The following UBE2G1 variants were observed in gnomAD, a reference collection of about 807,000 sequenced individuals.
The protein encoded by UBE2G1 is ubiquitin-conjugating enzyme E2 G1.
In UBE2G1, 5 loss-of-function variants were observed where a neutral mutation model predicts 22.7. The ratio of observed to expected loss-of-function variants is 0.22; its 90% CI spans 0.12 to 0.46. UBE2G1 has a LOEUF of 0.46. Among genes scored for constraint, UBE2G1 ranks in the 20% least tolerant of loss-of-function variants. The pLI is 0.99. For synonymous variants in UBE2G1, 74 were observed against 67.5 expected (o/e 1.10, Z -0.47); for missense variants, 88 against 203.9 (o/e 0.43, Z 3.46).
chr17:4,292,409 A>G (rs1256590333), intron 3 of UBE2G1, among the ~76,000 whole-genome samples: 1 of 151,808 alleles, frequency 6.6e-6, no homozygotes, highest in Non-Finnish European at 1.5e-5. Flanking sequence ...CTTTTTCTTG[A>G]GGCCATGCAC....
Position 4,279,785 on chromosome 17 carries a change from TTATATATATATATATATATATATATATA to T in UBE2G1, c.*37+2985_*37+3012del, listed in dbSNP as rs71144177. 1.0e-3 allele frequency among the ~76,000 whole-genome samples: 71 copies of T among 68,882 alleles called. 2 individuals are homozygous for T. Among genetic ancestry groups the T allele is most frequent in the African/African-American group, 2.8e-3 (65 of 23,134 alleles). The allele number at this position is 68,882 out of a possible 152,430, so 45.2% of individuals were successfully genotyped here. On this transcript the variant is annotated intron_variant, in intron 5 of 5. Transcript: ENST00000396981. ...GCGAAACTCTGCCCCCAAAAAAAAG[TTATATATATATATATATATATATATATA>T]TATATATATATATATATATGAACCT...
chr17:4,353,388 T>C (rs1969867923), intron 1 of UBE2G1, among the ~76,000 whole-genome samples: 1 of 151,846 alleles, frequency 6.6e-6, no homozygotes, highest in Non-Finnish European at 1.5e-5. Flanking sequence ...TATATTGTAT[T>C]ACCAACTAAT....
intron 1 of UBE2G1, among the ~76,000 whole-genome samples, chr17:4,308,514 G>A (rs1567520064): frequency 6.6e-6 from 1 of 152,068 alleles, no homozygotes; most frequent in Admixed American, 6.6e-5. Flanking sequence ...AACAGAGCAA[G>A]ACTCCATCTC....
At chr17:4,287,844 G>C (rs1051342487) in intron 4 of UBE2G1, among the ~76,000 whole-genome samples, 1 of 152,022 alleles carries the variant, frequency 6.6e-6, no homozygotes, top group South Asian at 2.1e-4. Flanking sequence ...AAATAAAACA[G>C]AGGTTCCTAG....
chr17:4,306,025 T>C (rs1250344198), intron 2 of UBE2G1, among the ~76,000 whole-genome samples: 2 of 152,206 alleles, frequency 1.3e-5, no homozygotes, highest in Non-Finnish European at 2.9e-5. Flanking sequence ...CCTTAAGCCA[T>C]TGGTTTAACA....
Position 4,338,019 on chromosome 17 carries a change from A to C in UBE2G1, c.46+28252T>G, listed in dbSNP as rs138108969. Among the ~76,000 whole-genome samples, 452 of 151,790 alleles carry C rather than the reference A, an allele frequency of 3.0e-3. 1 individual carries two copies. The highest frequency in any genetic ancestry group is 0.01 in the African/African-American group (424 of 41,414). On this transcript the variant is annotated intron_variant, in intron 1 of 5. Coordinates refer to ENST00000396981, the MANE Select transcript of UBE2G1 (RefSeq NM_003342.5). ...ACCCATCTCTACTAAAAATACAAAA[A>C]ATTAGCCAGGCATGCTGGCACGTGC... is the stretch of plus-strand genomic sequence containing the variant.
rs1968743316 is a variant in UBE2G1, at chr17:4,270,532, A to G, written c.*2022T>C. 1 of 146,778 alleles carries G rather than the reference A, an allele frequency of 6.8e-6. No individual in the cohort carries two copies. Among genetic ancestry groups the G allele is most frequent in the African/African-American group, 2.5e-5 (1 of 39,570 alleles). 9.1% of individuals were successfully genotyped at this position (146,778 alleles called of 1,614,324 possible). On this transcript the variant is annotated 3_prime_UTR_variant, in exon 6 of 6. Transcript: ENST00000396981. ...GCCACTGCACTCCAGCCTGGGTGAC[A>G]GAGAGACCCAGTTTCTTAAAAAAAA...
chr17:4,338,244 T>C (rs1004530528), intron 1 of UBE2G1, among the ~76,000 whole-genome samples: 1 of 150,054 alleles, frequency 6.7e-6, no homozygotes, highest in Non-Finnish European at 1.5e-5. Context: ...AACTATTAGC[T>C]GGACTAAAAA....
At chr17:4,289,680 T>C (rs150467019) in intron 3 of UBE2G1, among the ~76,000 whole-genome samples, 1 of 152,212 alleles carries the variant, frequency 6.6e-6, no homozygotes, top group Non-Finnish European at 1.5e-5. Context: ...ACGTAGATGG[T>C]GCCTAACATT....
intron 1 of UBE2G1, among the ~76,000 whole-genome samples, chr17:4,318,522 T>C (rs1332823163): frequency 1.3e-5 from 2 of 152,204 alleles, no homozygotes; most frequent in Non-Finnish European, 2.9e-5. Flanking sequence ...AAACAGATCT[T>C]TGATTTCTTA....
intron 1 of UBE2G1, among the ~76,000 whole-genome samples, chr17:4,313,391 A>C (rs1190987993): frequency 2.6e-5 from 4 of 152,244 alleles, no homozygotes. Flanking sequence ...ACTAAAACCC[A>C]AAAGTGACCA....
At chr17:4,294,440 AGAAAGAAACGAAAAG>A (rs752364054) in intron 3 of UBE2G1, among the ~76,000 whole-genome samples, 3 of 69,278 alleles carry the variant, frequency 4.3e-5, no homozygotes, top group South Asian at 4.7e-4. Flanking sequence ...AAAAAAAAAA[AGAAAGAAACGAAAAG>A]AAAAGAAAAG....
chr17:4,362,906 T>C (rs1306194253), intron 1 of UBE2G1, among the ~76,000 whole-genome samples: 2 of 152,054 alleles, frequency 1.3e-5, no homozygotes, highest in African/African-American at 4.8e-5. Flanking sequence ...GTGGATCACC[T>C]GAAGTCAGGA....
chr17:4,309,388 G>A (rs1969282637), intron 1 of UBE2G1, among the ~76,000 whole-genome samples: 1 of 152,192 alleles, frequency 6.6e-6, no homozygotes, highest in South Asian at 2.1e-4. Context: ...GTTAAAATCA[G>A]CTCTGTATTT....
chr17:4,325,391 T>C (rs1011314306), intron 1 of UBE2G1, among the ~76,000 whole-genome samples: 8 of 152,226 alleles, frequency 5.3e-5, no homozygotes, highest in Admixed American at 4.6e-4. Context: ...GTTTTTGTTT[T>C]TAAATAACTC....
At chr17:4,300,825 A>T (rs934667747) in intron 2 of UBE2G1, among the ~76,000 whole-genome samples, 2 of 151,458 alleles carry the variant, frequency 1.3e-5, no homozygotes, top group Non-Finnish European at 2.9e-5. Context: ...TTAGCCAGGC[A>T]TGGTGACAGG....
At chr17:4,292,051 C>T (rs1247245994) in intron 3 of UBE2G1, among the ~76,000 whole-genome samples, 1 of 151,998 alleles carries the variant, frequency 6.6e-6, no homozygotes, top group African/African-American at 2.4e-5. Context: ...CACAGTGGCT[C>T]GGCCCACTGT....
At chr17:4,336,423 T>G (rs1268371980) in intron 1 of UBE2G1, among the ~76,000 whole-genome samples, 1 of 152,072 alleles carries the variant, frequency 6.6e-6, no homozygotes, top group South Asian at 2.1e-4. Context: ...ACTGAAAGAA[T>G]ATTAAAGGAG....
intron 3 of UBE2G1, among the ~76,000 whole-genome samples, chr17:4,294,430 AAAAAAAAAAAGAAAGAAACG>A (rs1470047938): frequency 5.0e-3 from 103 of 20,748 alleles, no homozygotes; most frequent in Non-Finnish European, 6.8e-3. Flanking sequence ...AAAAAAAAAA[AAAAAAAAAAAGAAAGAAACG>A]AAAAGAAAAG....
Sources: gnomAD v4.1 joint callset for allele counts (sites outside exome capture counted in the v4.1 genomes callset) on GRCh38, gnomAD v4.1.1 for gene constraint, MANE v1.5 for transcripts, NCBI Gene and HGNC (gene_info 2026-07-23, HGNC 2026-07-21) for gene names.